MED13L: variants seen among roughly 807,000 people sequenced by gnomAD.
MED13L encodes the protein mediator complex subunit 13L.
A neutral mutation model predicts 220.9 loss-of-function variants in MED13L; 7 were observed. The ratio of observed to expected loss-of-function variants is 0.03; its 90% CI spans 0.02 to 0.06. MED13L has a LOEUF of 0.06. MED13L is among the 10% of genes least tolerant of loss of function. The pLI is 1.00. For synonymous variants in MED13L, 1,011 were observed against 1,015.2 expected (o/e 1.00, Z 0.08); for missense variants, 1,965 against 2,760.5 (o/e 0.71, Z 6.46).
intron 4 of MED13L, among the ~76,000 whole-genome samples, chr12:116,086,283 C>CTTTT (rs756507659): frequency 1.8e-5 from 2 of 109,486 alleles, no homozygotes; most frequent in Non-Finnish European, 1.8e-5. Context: ...CACGATAATT[C>CTTTT]TTTTTTTTTT....
At chr12:116,219,480 T>C (rs181125374) in intron 2 of MED13L, among the ~76,000 whole-genome samples, 2 of 152,312 alleles carry the variant, frequency 1.3e-5, no homozygotes, top group Admixed American at 1.3e-4. Context: ...TCATTAATTT[T>C]ATTAATCTTA....
intron 7 of MED13L, among the ~76,000 whole-genome samples, chr12:116,016,245 T>C (rs1173057638): frequency 6.6e-6 from 1 of 152,066 alleles, no homozygotes; most frequent in Non-Finnish European, 1.5e-5. Flanking sequence ...CTAAGTATTC[T>C]TATTATCAAT....
At chr12:116,276,271 T>G (rs1387691759) in intron 1 of MED13L, among the ~76,000 whole-genome samples, 1 of 150,550 alleles carries the variant, frequency 6.6e-6, no homozygotes, top group African/African-American at 2.4e-5. Context: ...CGAAGGCAGA[T>G]AAAAGCGATG....
At position 115,961,026 on chromosome 12, in the gene MED13L, G is replaced by T. The variant is rs538663455; in HGVS notation, c.*240C>A. On this transcript the variant is annotated 3_prime_UTR_variant, in exon 31 of 31. Transcript: ENST00000281928. The stretch of plus-strand genomic sequence containing the variant: ...AGTGGTTGGGGCTACACACACCACC[G>T]CACTGGCTGAAAGTCACCACTTATG... 8 of 549,558 alleles carry T rather than the reference G, an allele frequency of 1.5e-5. No homozygotes were observed. The highest frequency in any genetic ancestry group is 3.8e-5 in the African/African-American group (2 of 53,170). 34.0% of individuals were successfully genotyped at this position (549,558 alleles called of 1,614,324 possible). A position where few individuals can be genotyped will look rare whatever the true frequency, so the allele number is the denominator to read the frequency against.
intron 4 of MED13L, among the ~76,000 whole-genome samples, chr12:116,091,256 TTTTAC>T (rs1302186767): frequency 5.9e-5 from 9 of 152,242 alleles, no homozygotes; most frequent in Admixed American, 2.6e-4. Context: ...TTTAAATATA[TTTTAC>T]TTTAAAGTGT....
At chr12:116,209,939 A>G (rs1046291318) in intron 2 of MED13L, among the ~76,000 whole-genome samples, 2 of 152,206 alleles carry the variant, frequency 1.3e-5, no homozygotes, top group Non-Finnish European at 2.9e-5. Context: ...CTCTTGAAAT[A>G]TTCTTCTAAA....
intron 1 of MED13L, among the ~76,000 whole-genome samples, chr12:116,252,763 A>T (rs1467513816): frequency 3.3e-5 from 5 of 152,122 alleles, no homozygotes; most frequent in Non-Finnish European, 7.3e-5. Context: ...TGCTCATTAG[A>T]CTAATCAAGA....
chr12:115,971,595 C>T (rs576008024), intron 26 of MED13L, among the ~76,000 whole-genome samples: 1 of 152,352 alleles, frequency 6.6e-6, no homozygotes, highest in African/African-American at 2.4e-5. Flanking sequence ...TGAGAGCTTA[C>T]TGTGTACCAG....
intron 1 of MED13L, 137 bp downstream of exon 1, chr12:116,276,923 G>C (rs2138615968): frequency 2.9e-6 from 3 of 1,043,812 alleles, no homozygotes; most frequent in East Asian, 5.5e-5. Flanking sequence ...GGGGAGAATC[G>C]GCGAGAGGCG....
chr12:116,069,365 G>A (rs1041314247), intron 4 of MED13L, among the ~76,000 whole-genome samples: 1 of 152,150 alleles, frequency 6.6e-6, no homozygotes, highest in African/African-American at 2.4e-5. Flanking sequence ...GTACCTTTAA[G>A]TATCACCAAC....
At chr12:116,029,237 G>C (rs926195328) in intron 4 of MED13L, among the ~76,000 whole-genome samples, 1 of 81,504 alleles carries the variant, frequency 1.2e-5, no homozygotes, top group African/African-American at 5.2e-5. Flanking sequence ...TCAGAGAAAA[G>C]CTTCTCTGAA....
chr12:116,231,632 T>C (rs2138433839), intron 2 of MED13L, among the ~76,000 whole-genome samples: 1 of 152,260 alleles, frequency 6.6e-6, no homozygotes, highest in South Asian at 2.1e-4. Flanking sequence ...GAAATTTGAA[T>C]ATGGACTAAA....
At chr12:115,986,616 C>T in intron 18 of MED13L, 127 bp from the exon 19 acceptor site, 2 of 902,106 alleles carry the variant, frequency 2.2e-6, no homozygotes, top group Non-Finnish European at 3.6e-6. Context: ...ACAAGACATT[C>T]TTAAAAGTAT....
At chr12:116,173,507 T>C (rs1241538581) in intron 2 of MED13L, among the ~76,000 whole-genome samples, 4 of 152,206 alleles carry the variant, frequency 2.6e-5, no homozygotes, top group Non-Finnish European at 4.4e-5. Flanking sequence ...ACGGGCACTT[T>C]ATAGCATAAG....
At chr12:116,082,907 G>A (rs1871327896) in intron 4 of MED13L, among the ~76,000 whole-genome samples, 1 of 152,130 alleles carries the variant, frequency 6.6e-6, no homozygotes, top group African/African-American at 2.4e-5. Flanking sequence ...CTGAATACAT[G>A]TAAACAACAT....
chr12:116,268,543 T>C (rs1873007400), intron 1 of MED13L, among the ~76,000 whole-genome samples: 1 of 151,996 alleles, frequency 6.6e-6, no homozygotes, highest in Non-Finnish European at 1.5e-5. Flanking sequence ...CCCAGTACTT[T>C]GGGAGGCCAA....
chr12:116,119,236 C>T (rs1384328770), intron 2 of MED13L, among the ~76,000 whole-genome samples: 1 of 152,142 alleles, frequency 6.6e-6, no homozygotes, highest in Non-Finnish European at 1.5e-5. Flanking sequence ...ACCAGATGCT[C>T]CTGGTCGACA....
At chr12:116,056,792 T>C (rs1455515002) in intron 4 of MED13L, among the ~76,000 whole-genome samples, 1 of 152,212 alleles carries the variant, frequency 6.6e-6, no homozygotes, top group African/African-American at 2.4e-5. Flanking sequence ...TAGAAATTAC[T>C]ATCTTGTGCT....
intron 1 of MED13L, among the ~76,000 whole-genome samples, chr12:116,239,014 G>A (rs573688769): frequency 6.6e-6 from 1 of 152,164 alleles, no homozygotes; most frequent in African/African-American, 2.4e-5. Flanking sequence ...AGAATTGCTT[G>A]AACTTGGAAG....
Sources: allele counts gnomAD v4.1 joint callset (sites outside exome capture counted in the v4.1 genomes callset), GRCh38; gene constraint gnomAD v4.1.1; transcripts MANE v1.5; gene names NCBI Gene and HGNC (gene_info 2026-07-23, HGNC 2026-07-21).